The following EPHA10 variants were observed in gnomAD, a reference collection of about 807,000 sequenced individuals.
EPHA10 encodes the protein EPH receptor A10.
Under a neutral mutation model 109.7 loss-of-function variants are expected in EPHA10, and 120 were observed. The observed-to-expected ratio is 1.09, with a 90% confidence interval of 0.94 to 1.27. The LOEUF (loss-of-function observed/expected upper bound fraction) is 1.27. EPHA10 is among the 50% of genes most tolerant of loss of function. The pLI is 0.00. For synonymous variants in EPHA10, 640 were observed against 618.9 expected, an observed-to-expected ratio of 1.03 and a Z score of -0.51; for missense variants, 1,396 against 1,411.1, an observed-to-expected ratio of 0.99 and a Z score of 0.17.
At chr1:37,757,440 C>T (rs1646399352) in intron 3 of EPHA10, among the ~76,000 whole-genome samples, 1 of 152,146 alleles carries the variant, frequency 6.6e-6, no homozygotes, top group Non-Finnish European at 1.5e-5. Context: ...AACCATGGTA[C>T]ACTGAGCTCA....
rs1646352902 is a variant in EPHA10 at position 37,752,991 on chromosome 1, G to A, written c.1242C>T (p.His414=). 6 of 1,237,626 alleles carry A rather than the reference G, an allele frequency of 4.8e-6. No individual in the cohort carries two copies. Among genetic ancestry groups the A allele is most frequent in the Non-Finnish European group, 5.0e-6 (5 of 991,640 alleles). 76.7% of individuals were successfully genotyped at this position (1,237,626 alleles called of 1,614,324 possible). ...CGGTGTAGCGCGCGCCGGGCCGCAG[G>A]TGCAGCAGCGTGGCGGCTCGCTCCC... ...GLRERAATLL[H]LRPGARYTVR... is the part of the protein sequence containing the mutation. Residue 414 remains histidine, a synonymous_variant, in exon 5 of 17, where the codon CAC becomes CAT. Transcript: ENST00000373048.
At chr1:37,713,916 C>T (rs767062460), downstream of EPHA10, 5 of 152,298 alleles carry the variant, frequency 3.3e-5, no homozygotes, top group African/African-American at 9.6e-5. Context: ...TTATTGAAGA[C>T]GTACATGTTA....
At chr1:37,723,485 G>C (rs1395745784) in intron 8 of EPHA10, 113 bp from the exon 9 acceptor site, 2 of 1,209,766 alleles carry the variant, frequency 1.7e-6, no homozygotes, top group Non-Finnish European at 2.3e-6. Flanking sequence ...CTGTGCCCTG[G>C]GGGAGGGAAC....
downstream of EPHA10, chr1:37,714,867 C>G (rs1645669506): frequency 6.6e-6 from 1 of 152,266 alleles, no homozygotes; most frequent in South Asian, 2.1e-4. Flanking sequence ...CTTCCAGCCT[C>G]CAGAGCTGTG....
chr1:37,763,821 A>G (rs1357689861), intron 1 of EPHA10, among the ~76,000 whole-genome samples: 1 of 152,198 alleles, frequency 6.6e-6, no homozygotes, highest in East Asian at 1.9e-4. Context: ...CTGAGAAAAC[A>G]ATGTGGAGAG....
intron 8 of EPHA10, among the ~76,000 whole-genome samples, chr1:37,726,737 T>C (rs1645897930): frequency 6.6e-6 from 1 of 152,230 alleles, no homozygotes; most frequent in South Asian, 2.1e-4. Context: ...TTTTCCTGTG[T>C]TCGAGGGCCT....
At chr1:37,723,415 G>A (rs369677936) in intron 8 of EPHA10, 43 bp from the exon 9 acceptor site, 197 of 1,606,764 alleles carry the variant, frequency 1.2e-4, no homozygotes, top group Non-Finnish European at 1.5e-4. Context: ...AGGCCACCCC[G>A]GCCCTTCCCA....
rs775179712 is a variant in EPHA10 at position 37,718,824 on chromosome 1, T to TC, written c.2757-9dup. On this transcript the variant is annotated splice_polypyrimidine_tract_variant and intron_variant, in intron 15 of 16. Transcript: ENST00000373048. ...GCTAGTGGGGTGGGAGGCCTGCGGG[T>TC]CAGAGGAGCTGTGCTCAACCGACAG... 3.6e-5 allele frequency: 58 copies of TC among 1,604,608 alleles called. No individual in the cohort carries two copies. The highest frequency in any genetic ancestry group is 4.8e-5 in the Non-Finnish European group (56 of 1,175,734).
In EPHA10 at chr1:37,753,663, CGGGAGCAGGGGTGAGT is replaced by C. The variant is rs1166366801; in HGVS notation, c.1007-453_1007-438del. ...CGGGGCAAGCGGGAGCAGGGGCGAG[CGGGAGCAGGGGTGAGT>C]GGGAGCAGGGGCGAGCGGGAGCAGG... On this transcript the variant is annotated intron_variant, in intron 4 of 16. Coordinates refer to ENST00000373048, the MANE Select transcript of EPHA10 (RefSeq NM_001099439.2). 4.8e-4 allele frequency among the ~76,000 whole-genome samples: 26 copies of C among 53,784 alleles called. 1 individual carries two copies. Among genetic ancestry groups the C allele is most frequent in the East Asian group, 1.6e-3 (2 of 1,226 alleles). The allele number at this position is 53,784 out of a possible 152,430, so 35.3% of individuals were successfully genotyped here.
chr1:37,746,809 G>A (rs544434498), intron 5 of EPHA10, among the ~76,000 whole-genome samples: 10 of 152,190 alleles, frequency 6.6e-5, no homozygotes, highest in South Asian at 2.1e-4. Flanking sequence ...GTACTGATAC[G>A]TGCTACAATA....
chr1:37,749,776 T>C (rs547739672), intron 5 of EPHA10, among the ~76,000 whole-genome samples: 2 of 152,336 alleles, frequency 1.3e-5, no homozygotes, highest in South Asian at 4.1e-4. Flanking sequence ...CAGAAATGCG[T>C]TGTTAGGTGA....
rs1489940117 is a variant in EPHA10 at position 37,762,091 on chromosome 1, CAAGAGTA to C, written c.172-15_172-9del. ...GCCGCTGATCTCCTCCCACTGGGGA[CAAGAGTA>C]AAGGGGTGGGCAGCCCAGAGCCAAA... On this transcript the variant is annotated splice_polypyrimidine_tract_variant and intron_variant, in intron 2 of 16. Coordinates refer to ENST00000373048, the MANE Select transcript of EPHA10 (RefSeq NM_001099439.2). 6.4e-7 allele frequency: 1 copy of C among 1,572,770 alleles called. No individual in the cohort carries two copies. Among genetic ancestry groups the C allele is most frequent in the Non-Finnish European group, 8.6e-7 (1 of 1,157,438 alleles).
intron 1 of EPHA10, among the ~76,000 whole-genome samples, chr1:37,763,073 C>T (rs1413190247): frequency 6.6e-6 from 1 of 152,152 alleles, no homozygotes; most frequent in Non-Finnish European, 1.5e-5. Context: ...GTATTCAGTT[C>T]CTGGGGCTGC....
At chr1:37,725,910 G>A (rs1424851604) in intron 8 of EPHA10, among the ~76,000 whole-genome samples, 1 of 152,200 alleles carries the variant, frequency 6.6e-6, no homozygotes, top group Admixed American at 6.5e-5. Flanking sequence ...GAGAGGTGCT[G>A]CAGACAGCCC....
In EPHA10 at chr1:37,754,111, C is replaced by T; in HGVS notation, c.1006+104G>A. On this transcript the variant is annotated intron_variant, in intron 4 of 16. Transcript: ENST00000373048. The surrounding 1 kb of genome is among the most constrained non-coding windows in gnomAD (Gnocchi z 4.5). ...TGGCCCCCATATCCGCCCACGTGCGCCCCAGTGCGGAGACCCTGCCCTCAC... is the reference window on the plus strand; with the variant it reads ...TGGCCCCCATATCCGCCCACGTGCGTCCCAGTGCGGAGACCCTGCCCTCAC... The T allele has an allele frequency of 2.5e-6, 3 of 1,189,178 alleles. No homozygotes were observed. The highest frequency in any genetic ancestry group is 3.2e-6 in the Non-Finnish European group (3 of 943,544). The allele number at this position is 1,189,178 out of a possible 1,614,324, so 73.7% of individuals were successfully genotyped here.
Position 37,753,948 on chromosome 1 carries a change from C to T in EPHA10, c.1006+267G>A, listed in dbSNP as rs77508251. ...GAGGAGAGGGCAGCGGAGGGGCGCTCTCCTCAGTGATCTGCCAGGCATCCT... is the reference window on the plus strand; with the variant it reads ...GAGGAGAGGGCAGCGGAGGGGCGCTTTCCTCAGTGATCTGCCAGGCATCCT... On this transcript the variant is annotated intron_variant, in intron 4 of 16. Transcript: ENST00000373048. Among the ~76,000 whole-genome samples, 379 of 152,144 alleles carry T rather than the reference C, an allele frequency of 2.5e-3. 1 individual carries two copies. The highest frequency in any genetic ancestry group is 8.6e-3 in the African/African-American group (358 of 41,514).
rs1646455254 is a variant in EPHA10 at position 37,764,029 on chromosome 1, A to G, written c.106+932T>C. On this transcript the variant is annotated intron_variant, in intron 1 of 16. Coordinates refer to ENST00000373048, the MANE Select transcript of EPHA10 (RefSeq NM_001099439.2). This position sits in a 1 kb window ranked among gnomAD's most constrained non-coding sequence, Gnocchi z 5.8. Reference sequence around the variant, plus strand: ...GATCAGCAGCCTGCAACCTCTCAGCATGGATCACAGAAAATGGTTTGGACA... The same window carrying G: ...GATCAGCAGCCTGCAACCTCTCAGCGTGGATCACAGAAAATGGTTTGGACA... Among the ~76,000 whole-genome samples the G allele has an allele frequency of 6.6e-6, 1 of 152,090 alleles. No homozygotes were observed. Among genetic ancestry groups the G allele is most frequent in the Admixed American group, 6.5e-5 (1 of 15,268 alleles).
intron 3 of EPHA10, among the ~76,000 whole-genome samples, chr1:37,756,996 A>AT (rs1402347864): frequency 6.6e-6 from 1 of 151,930 alleles, no homozygotes; most frequent in Non-Finnish European, 1.5e-5. Flanking sequence ...TGCCTGGCTA[A>AT]TTTTTTGTGT....
At chr1:37,738,727 C>T (rs1291030709) in intron 5 of EPHA10, among the ~76,000 whole-genome samples, 1 of 152,154 alleles carries the variant, frequency 6.6e-6, no homozygotes, top group Admixed American at 6.5e-5. Flanking sequence ...GCATTATTCA[C>T]AACAGCCAAG....
Sources: allele counts gnomAD v4.1 joint callset (sites outside exome capture counted in the v4.1 genomes callset), GRCh38; gene constraint gnomAD v4.1.1; non-coding constraint Gnocchi (gnomAD v3.1); transcripts MANE v1.5; gene names NCBI Gene and HGNC (gene_info 2026-07-23, HGNC 2026-07-21).